Variants in SLC41A2 observed in about 807,000 individuals in gnomAD.
SLC41A2 encodes the protein SLC41A1-like 1.
SLC41A2 carries 32 observed loss-of-function variants against 58.3 expected under a neutral mutation model. The ratio of observed to expected loss-of-function variants is 0.55; its 90% CI spans 0.41 to 0.74. The LOEUF (loss-of-function observed/expected upper bound fraction) is 0.74. Ranked by LOEUF, SLC41A2 falls within the 30% of genes least tolerant of loss-of-function variation. SLC41A2 has a pLI of 0.00. For missense variants in SLC41A2, 514 were observed against 680.6 expected (o/e 0.76, Z 2.72); for synonymous variants, 190 against 235.0 (o/e 0.81, Z 1.75).
intron 8 of SLC41A2, among the ~76,000 whole-genome samples, chr12:104,848,367 A>C (rs2042683657): frequency 6.6e-6 from 1 of 152,172 alleles, no homozygotes; most frequent in Non-Finnish European, 1.5e-5. Flanking sequence ...AGGAAAGAAG[A>C]AAGCTTTCAT....
intron 4 of SLC41A2, among the ~76,000 whole-genome samples, chr12:104,892,720 T>G (rs1036839011): frequency 1.3e-5 from 2 of 152,158 alleles, no homozygotes; most frequent in African/African-American, 4.8e-5. Flanking sequence ...AGTGAACTCA[T>G]TTTTGCCAAA....
chr12:104,886,214 GA>G, intron 6 of SLC41A2, 78 bp downstream of exon 6: 1 of 1,453,582 alleles, frequency 6.9e-7, no homozygotes, highest in Non-Finnish European at 9.4e-7. Context: ...GGCTACCATG[GA>G]TTCATGGCAT....
At chr12:104,841,116 C>G (rs2042393686) in intron 10 of SLC41A2, among the ~76,000 whole-genome samples, 3 of 152,122 alleles carry the variant, frequency 2.0e-5, no homozygotes, top group African/African-American at 7.2e-5. Flanking sequence ...ATTATCAACT[C>G]ATGACCAGTT....
In SLC41A2 at chr12:104,839,772, G is replaced by A. The variant is rs897992640; in HGVS notation, c.1536+4700C>T. Among the ~76,000 whole-genome samples the A allele has an allele frequency of 5.9e-5, 9 of 152,270 alleles. 1 individual carries two copies. Among genetic ancestry groups the A allele is most frequent in the Admixed American group, 1.3e-4 (2 of 15,298 alleles). ...CCCGCCTCAGCCTCCCAAAGTGCTG[G>A]GGTTACAGGCGTAAGCCACTGCGCC... On this transcript the variant is annotated intron_variant, in intron 10 of 10. Transcript: ENST00000258538.
In SLC41A2 at chr12:104,844,484, G is replaced by C; in HGVS notation, c.1524C>G (p.Gly508=). ...TTTTAACTCTTACCTGTAACACAGC[G>C]CCAAATAAATACACTACTATGAAGA... ...TIIFIVVYLF[G]AVLQVFTLLW... The change falls in exon 10 of 11, where the codon GGC becomes GGG. Residue 508 remains glycine (G), a synonymous_variant. Transcript: ENST00000258538. 6.7e-7 allele frequency: 1 copy of C among 1,489,504 alleles called. No individual in the cohort carries two copies. Among genetic ancestry groups the C allele is most frequent in the Non-Finnish European group, 8.9e-7 (1 of 1,121,112 alleles). The allele number at this position is 1,489,504 out of a possible 1,614,324, so 92.3% of individuals were successfully genotyped here.
At chr12:104,932,409 T>G (rs1345287425) in intron 1 of SLC41A2, among the ~76,000 whole-genome samples, 1 of 151,928 alleles carries the variant, frequency 6.6e-6, no homozygotes, top group Admixed American at 6.6e-5. Context: ...GAGAACTACT[T>G]GAGCCCAGGA....
intron 10 of SLC41A2, among the ~76,000 whole-genome samples, chr12:104,812,476 C>A (rs1289105234): frequency 6.6e-6 from 1 of 152,010 alleles, no homozygotes; most frequent in Non-Finnish European, 1.5e-5. Flanking sequence ...TGAAATATTT[C>A]CAATCTATAC....
chr12:104,954,874 T>C (rs2135995785), intron 1 of SLC41A2, among the ~76,000 whole-genome samples: 1 of 152,274 alleles, frequency 6.6e-6, no homozygotes, highest in South Asian at 2.1e-4. Context: ...TTTCCAACAA[T>C]GAGAAAGATT....
At chr12:104,827,482 T>A (rs921988578) in intron 10 of SLC41A2, among the ~76,000 whole-genome samples, 8 of 152,246 alleles carry the variant, frequency 5.3e-5, no homozygotes, top group African/African-American at 1.9e-4. Flanking sequence ...TAAAAGTTTA[T>A]CCGCTCCCAT....
At chr12:104,955,016 C>CTTT (rs375969264) in intron 1 of SLC41A2, among the ~76,000 whole-genome samples, 824 of 79,104 alleles carry the variant, frequency 0.01, 26 homozygotes, top group Non-Finnish European at 0.011. Context: ...TTGGCCCTTG[C>CTTT]TTTTTTTTTT....
intron 8 of SLC41A2, among the ~76,000 whole-genome samples, chr12:104,848,976 G>T (rs992971077): frequency 7.9e-5 from 12 of 151,610 alleles, no homozygotes; most frequent in Non-Finnish European, 1.6e-4. Flanking sequence ...TAGTGCTATC[G>T]ACTTTTAATA....
At chr12:104,878,515 A>T (rs1407652859) in intron 6 of SLC41A2, among the ~76,000 whole-genome samples, 2 of 133,980 alleles carry the variant, frequency 1.5e-5, no homozygotes, top group Non-Finnish European at 3.2e-5. Flanking sequence ...CCCTGTCTCC[A>T]GGTATTCTCA....
rs1226292914 is a variant in SLC41A2, at chr12:104,909,741, C to CT, written c.576dup (p.Val193SerfsTer40). ...GGGACTAAAATGAAAACTTCTGTAACTTTTCTGAACACCTCCCAGTGCTGT... is the reference window on the plus strand; with the variant it reads ...GGGACTAAAATGAAAACTTCTGTAACTTTTTCTGAACACCTCCCAGTGCTGT... On this transcript the variant is annotated frameshift_variant, in exon 3 of 11. Coordinates refer to ENST00000258538, the MANE Select transcript of SLC41A2 (RefSeq NM_001352171.3). LOFTEE classifies it high-confidence loss of function. The CT allele has an allele frequency of 6.2e-7, 1 of 1,607,174 alleles. No homozygotes were observed. The highest frequency in any genetic ancestry group is 8.5e-7 in the Non-Finnish European group (1 of 1,177,916).
At position 104,844,635 on chromosome 12, in the gene SLC41A2, G is replaced by T; in HGVS notation, c.1388-15C>A. 7.0e-7 allele frequency: 1 copy of T among 1,436,194 alleles called. No individual in the cohort carries two copies. 89.0% of individuals were successfully genotyped at this position (1,436,194 alleles called of 1,614,324 possible). A position where few individuals can be genotyped will look rare whatever the true frequency, so the allele number is the denominator to read the frequency against. ...ATTATTTACTCCTGTAATATAAAATGTAAAAGTAATTAAAACAAAATTATA... is the reference window on the plus strand; with the variant it reads ...ATTATTTACTCCTGTAATATAAAATTTAAAAGTAATTAAAACAAAATTATA... On this transcript the variant is annotated splice_polypyrimidine_tract_variant and intron_variant, in intron 9 of 10. Transcript: ENST00000258538.
intron 6 of SLC41A2, among the ~76,000 whole-genome samples, chr12:104,870,139 G>A (rs2043691526): frequency 6.6e-6 from 1 of 152,122 alleles, no homozygotes; most frequent in African/African-American, 2.4e-5. Context: ...GATTATTTGT[G>A]TGACCCCTAA....
In SLC41A2 at chr12:104,891,551, T is replaced by C. The variant is rs147562766; in HGVS notation, c.736-2374A>G. The stretch of plus-strand genomic sequence containing the variant: ...TTTAACAACTCTACTGGTTGTTAAA[T>C]GTTTTGATTATTACCCCTGCATAGA... On this transcript the variant is annotated intron_variant, in intron 4 of 10. Transcript: ENST00000258538. 2.6e-3 allele frequency among the ~76,000 whole-genome samples: 398 copies of C among 150,232 alleles called. 2 individuals are homozygous for C. The highest frequency in any genetic ancestry group is 3.3e-3 in the Non-Finnish European group (225 of 67,598).
At chr12:104,894,241 C>G (rs931715658) in intron 4 of SLC41A2, among the ~76,000 whole-genome samples, 4 of 151,834 alleles carry the variant, frequency 2.6e-5, no homozygotes, top group African/African-American at 4.8e-5. Context: ...GTAGTCCCAG[C>G]TACTCGGGCA....
intron 8 of SLC41A2, 49 bp downstream of exon 8, chr12:104,861,242 A>C (rs754594779): frequency 7.4e-7 from 1 of 1,354,166 alleles, no homozygotes; most frequent in Admixed American, 1.7e-5. Context: ...TAAGACTAAG[A>C]GGATACGAAG....
In SLC41A2 at chr12:104,928,500, T is replaced by C; in HGVS notation, c.28A>G (p.Thr10Ala). 1.3e-6 allele frequency: 2 copies of C among 1,522,454 alleles called. No homozygotes were observed. The highest frequency in any genetic ancestry group is 1.8e-6 in the Non-Finnish European group (2 of 1,133,982). 94.3% of individuals were successfully genotyped at this position (1,522,454 alleles called of 1,614,324 possible). A position where few individuals can be genotyped will look rare whatever the true frequency, so the allele number is the denominator to read the frequency against. Residue 10 changes from threonine (T) to alanine (A), a missense_variant, in exon 2 of 11, where the codon ACC becomes GCC. By Grantham distance (58) the Thr-to-Ala change is moderately conservative (BLOSUM62 0). Around this residue, in one of 3 missense-constraint regions of SLC41A2, gnomAD observed 336 missense variants for 430.0 expected, o/e 0.78. Transcript: ENST00000258538. ...CTTGGACCACCACTTGTTTTATCGGTAATAGATCTTCCTTTACTATTAGTC... is the reference window on the plus strand; with the variant it reads ...CTTGGACCACCACTTGTTTTATCGGCAATAGATCTTCCTTTACTATTAGTC... The part of the protein sequence containing the change: MTNSKGRSI[T>A]DKTSGGPSSG...
Sources: gnomAD v4.1 joint callset for allele counts (sites outside exome capture counted in the v4.1 genomes callset) on GRCh38, gnomAD v4.1.1 for gene constraint, gnomAD v4.1.1 regional missense constraint, MANE v1.5 for transcripts, NCBI Gene and HGNC (gene_info 2026-07-23, HGNC 2026-07-21) for gene names.